RBFOX1: variants seen among roughly 807,000 people sequenced by gnomAD.
RBFOX1 encodes the protein RNA binding protein fox-1 homolog 1.
RBFOX1 carries 8 observed loss-of-function variants against 57.7 expected under a neutral mutation model. That is an observed-to-expected ratio of 0.14 (90% CI 0.08 to 0.25). The LOEUF (loss-of-function observed/expected upper bound fraction) is 0.25, where lower values mean the gene tolerates loss of function less well. Ranked by LOEUF, RBFOX1 falls within the 10% of genes least tolerant of loss-of-function variation. The pLI is 1.00. For missense variants in RBFOX1, 611 were observed against 548.5 expected (o/e 1.11, Z -1.14); for synonymous variants, 326 against 222.4 (o/e 1.47, Z -4.15).
chr16:5,641,099 T>C (rs1189264444), intron 3 of RBFOX1, among the ~76,000 whole-genome samples: 1 of 146,744 alleles, frequency 6.8e-6, no homozygotes, highest in African/African-American at 2.6e-5. Context: ...ACACCATGCA[T>C]ACACATGCAT....
At chr16:5,773,618 A>G (rs1203984196) in intron 3 of RBFOX1, among the ~76,000 whole-genome samples, 2 of 152,164 alleles carry the variant, frequency 1.3e-5, no homozygotes, top group African/African-American at 2.4e-5. Context: ...TGCAATATCT[A>G]TTTTTATGCA....
intron 4 of RBFOX1, among the ~76,000 whole-genome samples, chr16:7,298,698 T>C (rs1003558477): frequency 4.6e-5 from 7 of 152,254 alleles, no homozygotes; most frequent in Non-Finnish European, 1.0e-4. Context: ...ATGCATTATA[T>C]ATGTATTCCT....
intron 3 of RBFOX1, among the ~76,000 whole-genome samples, chr16:6,876,870 T>C (rs1221024771): frequency 1.3e-5 from 2 of 152,224 alleles, no homozygotes; most frequent in Non-Finnish European, 2.9e-5. Flanking sequence ...GCATTCATCA[T>C]AGTGTAAATG....
chr16:7,135,477 C>T lies in RBFOX1; in HGVS notation c.27+83379C>T, dbSNP rs192999265. On this transcript the variant is annotated intron_variant, in intron 4 of 15. Coordinates refer to ENST00000550418, the MANE Select transcript of RBFOX1 (RefSeq NM_018723.4). ...CCAAGCTACAGCAAATTAAAGGGAT[C>T]CGTGAATACTAAGGGGTGTGTTTTT... Among the ~76,000 whole-genome samples, 3 of 152,320 alleles carry T rather than the reference C, an allele frequency of 2.0e-5. No homozygotes were observed. The East Asian group carries it at 5.8e-4, about 29-fold the overall frequency.
intron 3 of RBFOX1, among the ~76,000 whole-genome samples, chr16:6,922,216 A>G (rs1367564198): frequency 1.3e-5 from 2 of 152,212 alleles, no homozygotes; most frequent in South Asian, 2.1e-4. Flanking sequence ...TACAATGGAG[A>G]GGTCTGAGGC....
In RBFOX1 at chr16:7,310,367, G is replaced by A. The variant is rs114492129; in HGVS notation, c.28-207780G>A. On this transcript the variant is annotated intron_variant, in intron 4 of 15. Transcript: ENST00000550418. ...TTTCTGATCTTCCTGTCATGCTATAGCCCTGATGGATTGATCCCGGCTAAA... is the reference window on the plus strand; with the variant it reads ...TTTCTGATCTTCCTGTCATGCTATAACCCTGATGGATTGATCCCGGCTAAA... Among the ~76,000 whole-genome samples, 700 of 152,292 alleles carry A rather than the reference G, an allele frequency of 4.6e-3. 2 individuals carry two copies. Among genetic ancestry groups the A allele is most frequent in the African/African-American group, 0.016 (657 of 41,580 alleles).
chr16:6,689,745 T>G (rs1056966898), intron 3 of RBFOX1, among the ~76,000 whole-genome samples: 1 of 152,248 alleles, frequency 6.6e-6, no homozygotes, highest in African/African-American at 2.4e-5. Context: ...TCCCACAACA[T>G]GGAAATAAAC....
intron 4 of RBFOX1, among the ~76,000 whole-genome samples, chr16:7,197,044 T>C (rs1187384211): frequency 6.6e-6 from 1 of 152,202 alleles, no homozygotes; most frequent in East Asian, 1.9e-4. Flanking sequence ...TAGCCATCTT[T>C]CAGCCAGTTG....
At chr16:7,410,304 T>C (rs1041843018) in intron 4 of RBFOX1, among the ~76,000 whole-genome samples, 1 of 152,234 alleles carries the variant, frequency 6.6e-6, no homozygotes, top group Non-Finnish European at 1.5e-5. Flanking sequence ...TGCTCTCACT[T>C]GACAAATAAG....
chr16:6,813,058 A>T (rs531627678), intron 3 of RBFOX1, among the ~76,000 whole-genome samples: 5 of 152,098 alleles, frequency 3.3e-5, no homozygotes, highest in Non-Finnish European at 5.9e-5. Flanking sequence ...CAGTCAAACA[A>T]TGCTGATGTA....
chr16:6,210,583 G>C (rs965738534), intron 1 of RBFOX1, among the ~76,000 whole-genome samples: 2 of 151,848 alleles, frequency 1.3e-5, no homozygotes, highest in African/African-American at 2.4e-5. Flanking sequence ...TTAGCTGGGT[G>C]AGATGGTGCA....
At chr16:6,102,791 G>A (rs980073859) in intron 1 of RBFOX1, among the ~76,000 whole-genome samples, 3 of 152,148 alleles carry the variant, frequency 2.0e-5, no homozygotes, top group African/African-American at 4.8e-5. Context: ...TCATTTTAGA[G>A]TAGGTCCTGG....
intron 4 of RBFOX1, among the ~76,000 whole-genome samples, chr16:7,145,408 T>C (rs2074749090): frequency 6.6e-6 from 1 of 152,256 alleles, no homozygotes; most frequent in Non-Finnish European, 1.5e-5. Context: ...GGTTTCACCA[T>C]GTTGGCCAGT....
At chr16:6,357,668 C>G (rs889275167) in intron 2 of RBFOX1, among the ~76,000 whole-genome samples, 1 of 151,878 alleles carries the variant, frequency 6.6e-6, no homozygotes, top group Non-Finnish European at 1.5e-5. Flanking sequence ...GAGAGCTGGA[C>G]ACAGATGCAG....
At chr16:7,042,163 A>T (rs1436777831) in intron 3 of RBFOX1, among the ~76,000 whole-genome samples, 2 of 152,236 alleles carry the variant, frequency 1.3e-5, no homozygotes, top group African/African-American at 4.8e-5. Context: ...ATGGAACTAG[A>T]CAACACTAGC....
intron 3 of RBFOX1, among the ~76,000 whole-genome samples, chr16:6,999,225 A>ATTTTTTTTTTTTTTTTTTTT (rs200620958): frequency 4.9e-5 from 6 of 122,956 alleles, no homozygotes; most frequent in Admixed American, 8.6e-5. Flanking sequence ...TATTTTTTTT[A>ATTTTTTTTTTTTTTTTTTTT]TTTATTTTTT....
chr16:6,453,900 C>G (rs2094697025), intron 2 of RBFOX1, among the ~76,000 whole-genome samples: 1 of 152,228 alleles, frequency 6.6e-6, no homozygotes, highest in African/African-American at 2.4e-5. Context: ...TAAAATGCCA[C>G]AGACTGTTTG....
intron 1 of RBFOX1, among the ~76,000 whole-genome samples, chr16:6,151,458 G>A (rs947205980): frequency 6.6e-6 from 1 of 151,944 alleles, no homozygotes; most frequent in Non-Finnish European, 1.5e-5. Flanking sequence ...GCTAATTTTT[G>A]TATTTTTAGT....
At chr16:7,119,537 C>T (rs916970712) in intron 4 of RBFOX1, among the ~76,000 whole-genome samples, 1 of 151,996 alleles carries the variant, frequency 6.6e-6, no homozygotes, top group Non-Finnish European at 1.5e-5. Context: ...TCCTGTTTCA[C>T]TTAGATATGT....
Sources: allele counts gnomAD v4.1 joint callset (sites outside exome capture counted in the v4.1 genomes callset), GRCh38; gene constraint gnomAD v4.1.1; transcripts MANE v1.5; gene names NCBI Gene and HGNC (gene_info 2026-07-23, HGNC 2026-07-21).